Variants in DENND6A observed in about 807,000 individuals in gnomAD.
The protein encoded by DENND6A is DENN domain containing 6A, also known as protein DENND6A.
In DENND6A, 43 loss-of-function variants were observed where a neutral mutation model predicts 95.5. The ratio of observed to expected loss-of-function variants is 0.45; its 90% confidence interval spans 0.35 to 0.58. The LOEUF is 0.58. DENND6A is among the 20% of genes least tolerant of loss of function. The probability of loss-of-function intolerance (pLI) is 0.00; values close to 1 mark genes in which losing one functional copy is unlikely to be tolerated. For missense variants in DENND6A, 574 were observed against 736.0 expected, an observed-to-expected ratio of 0.78 and a Z score of 2.55; for synonymous variants, 257 against 260.4, an observed-to-expected ratio of 0.99 and a Z score of 0.13.
intron 7 of DENND6A, 130 bp from the exon 8 acceptor site, chr3:57,659,310 G>A (rs2071382840): frequency 1.2e-6 from 1 of 864,692 alleles, no homozygotes; most frequent in Non-Finnish European, 1.9e-6. Flanking sequence ...CTATGTCAGA[G>A]TTAAAAACTA....
At chr3:57,678,404 T>C (rs1559829894) in intron 1 of DENND6A, among the ~76,000 whole-genome samples, 1 of 152,232 alleles carries the variant, frequency 6.6e-6, no homozygotes, top group Non-Finnish European at 1.5e-5. Flanking sequence ...GGTTGGTTTC[T>C]ACAAAGAGAA....
intron 1 of DENND6A, among the ~76,000 whole-genome samples, chr3:57,692,510 G>A (rs1338571348): frequency 2.0e-5 from 3 of 152,126 alleles, no homozygotes; most frequent in African/African-American, 7.2e-5. Flanking sequence ...CTGTGACTCT[G>A]CGTTTAAAAG....
chr3:57,659,710 C>G (rs892138181), intron 7 of DENND6A, among the ~76,000 whole-genome samples: 7 of 152,156 alleles, frequency 4.6e-5, no homozygotes, highest in African/African-American at 1.2e-4. Flanking sequence ...AGGGTACAAC[C>G]TATACAAAGT....
chr3:57,658,032 C>T (rs964945302), intron 8 of DENND6A, among the ~76,000 whole-genome samples: 2 of 151,854 alleles, frequency 1.3e-5, no homozygotes, highest in African/African-American at 2.4e-5. Context: ...GTCAGGATAT[C>T]GAGACCATCC....
At chr3:57,638,005 AC>A (rs1230506081) in intron 12 of DENND6A, among the ~76,000 whole-genome samples, 3 of 151,630 alleles carry the variant, frequency 2.0e-5, no homozygotes, top group Non-Finnish European at 4.4e-5. Context: ...GTGGTGGCGC[AC>A]ACCTGTAATC....
intron 9 of DENND6A, among the ~76,000 whole-genome samples, chr3:57,646,855 C>T (rs2071090008): frequency 6.6e-6 from 1 of 151,998 alleles, no homozygotes; most frequent in African/African-American, 2.4e-5. Context: ...AACTTAAAAC[C>T]CAATACTTCT....
intron 9 of DENND6A, among the ~76,000 whole-genome samples, chr3:57,653,574 G>A (rs960431453): frequency 2.0e-5 from 3 of 151,606 alleles, no homozygotes; most frequent in African/African-American, 4.8e-5. Context: ...GTGAAACCCC[G>A]TCTCTACTAA....
intron 15 of DENND6A, 80 bp downstream of exon 15, chr3:57,633,185 T>C: frequency 1.7e-6 from 2 of 1,197,144 alleles, no homozygotes; most frequent in African/African-American, 1.5e-5. Flanking sequence ...ACTTAAGATA[T>C]GGTTTTGGAG....
Position 57,657,742 on chromosome 3 carries a change from G to A in DENND6A, c.763-7C>T. 2 of 1,560,770 alleles carry A rather than the reference G, an allele frequency of 1.3e-6. No individual in the cohort carries two copies. The highest frequency in any genetic ancestry group is 1.2e-5 in the South Asian group (1 of 85,376). ...CAGATATATTTGTGTCCACCTGAGA[G>A]ATAGAAAAGAAAAATAAAAGAAGGT... On this transcript the variant is annotated splice_polypyrimidine_tract_variant and splice_region_variant and intron_variant, in intron 8 of 19. Coordinates refer to ENST00000311128, the MANE Select transcript of DENND6A (RefSeq NM_152678.3).
intron 1 of DENND6A, among the ~76,000 whole-genome samples, chr3:57,687,462 G>A (rs2077221073): frequency 6.6e-6 from 1 of 152,224 alleles, no homozygotes; most frequent in Admixed American, 6.5e-5. Context: ...AGGTGAAGCA[G>A]CAAGGACTGA....
chr3:57,631,473 C>A (rs1167623268), intron 15 of DENND6A, among the ~76,000 whole-genome samples: 1 of 152,120 alleles, frequency 6.6e-6, no homozygotes, highest in Non-Finnish European at 1.5e-5. Context: ...GGATTACAGG[C>A]GTGAACTACC....
At chr3:57,638,076 G>A (rs989503771) in intron 12 of DENND6A, among the ~76,000 whole-genome samples, 1 of 152,066 alleles carries the variant, frequency 6.6e-6, no homozygotes, top group Non-Finnish European at 1.5e-5. Flanking sequence ...GAAGGTTGCA[G>A]TGAGCCAAGA....
Position 57,628,072 on chromosome 3 carries a change from TAC to T in DENND6A, c.*140_*141del. On this transcript the variant is annotated 3_prime_UTR_variant, in exon 20 of 20. Coordinates refer to ENST00000311128, the MANE Select transcript of DENND6A (RefSeq NM_152678.3). The stretch of plus-strand genomic sequence containing the variant: ...GCACTAAAAAGGTCTGTTTATACAA[TAC>T]AGTCTTTCTACCCTGTAACTAGCAT... 1.6e-6 allele frequency: 2 copies of T among 1,241,040 alleles called. No homozygotes were observed. Among genetic ancestry groups the T allele is most frequent in the Non-Finnish European group, 2.2e-6 (2 of 906,184 alleles). The allele number at this position is 1,241,040 out of a possible 1,614,324, so 76.9% of individuals were successfully genotyped here.
At chr3:57,649,454 T>G (rs1383542927) in intron 9 of DENND6A, among the ~76,000 whole-genome samples, 3 of 150,922 alleles carry the variant, frequency 2.0e-5, no homozygotes, top group Admixed American at 2.0e-4. Flanking sequence ...AGAGATTCCT[T>G]AAAGAACTAA....
intron 1 of DENND6A, among the ~76,000 whole-genome samples, chr3:57,685,914 T>G (rs1023082422): frequency 5.9e-5 from 9 of 152,086 alleles, no homozygotes; most frequent in African/African-American, 2.2e-4. Context: ...CAGACCACAT[T>G]TTGACAACAG....
intron 18 of DENND6A, 56 bp from the exon 19 acceptor site, chr3:57,628,941 C>G (rs2070595521): frequency 6.7e-7 from 1 of 1,482,860 alleles, no homozygotes. Context: ...TCAAACCTCT[C>G]TATTTCAATA....
intron 8 of DENND6A, 53 bp downstream of exon 8, chr3:57,659,065 C>A: frequency 6.4e-7 from 1 of 1,551,886 alleles, no homozygotes; most frequent in East Asian, 2.3e-5. Context: ...TTTAAAAATT[C>A]TGTTAAAGAG....
chr3:57,653,429 G>A (rs532733675), intron 9 of DENND6A, among the ~76,000 whole-genome samples: 1 of 152,220 alleles, frequency 6.6e-6, no homozygotes, highest in East Asian at 1.9e-4. Flanking sequence ...ATTCAGGAAA[G>A]GAAACTTCTC....
At chr3:57,681,562 T>C (rs1273950057) in intron 1 of DENND6A, among the ~76,000 whole-genome samples, 12 of 148,000 alleles carry the variant, frequency 8.1e-5, no homozygotes, top group South Asian at 2.1e-4. Context: ...AGGTCAATGC[T>C]GCAGTGAGCT....
Sources: allele counts gnomAD v4.1 joint callset (sites outside exome capture counted in the v4.1 genomes callset), GRCh38; gene constraint gnomAD v4.1.1; transcripts MANE v1.5; gene names NCBI Gene and HGNC (gene_info 2026-07-23, HGNC 2026-07-21).